SLIT3: variants seen among roughly 807,000 people sequenced by gnomAD.
The protein encoded by SLIT3 is slit homolog 3 protein.
SLIT3 carries 68 observed loss-of-function variants against 184.0 expected under a neutral mutation model. The observed-to-expected ratio is 0.37, with a 90% CI of 0.30 to 0.45. The LOEUF (loss-of-function observed/expected upper bound fraction) is 0.45, where lower values mean the gene tolerates loss of function less well. Among genes scored for constraint, SLIT3 ranks in the 20% least tolerant of loss-of-function variants. SLIT3 has a pLI of 1.00. For missense variants in SLIT3, 1,707 were observed against 2,026.0 expected (o/e 0.84, Z 3.02); for synonymous variants, 831 against 828.6 (o/e 1.00, Z -0.05).
chr5:168,930,161 G>A (rs1456268711), intron 4 of SLIT3, among the ~76,000 whole-genome samples: 1 of 152,268 alleles, frequency 6.6e-6, no homozygotes, highest in Middle Eastern at 3.4e-3. Flanking sequence ...GGGGAGTGAG[G>A]ACTGGGAATT....
At chr5:169,097,541 T>C (rs1007730070) in intron 4 of SLIT3, among the ~76,000 whole-genome samples, 1 of 152,240 alleles carries the variant, frequency 6.6e-6, no homozygotes, top group African/African-American at 2.4e-5. Context: ...TTATCCAATA[T>C]GCTTTCACCT....
At chr5:168,819,799 C>T (rs1189512958) in intron 7 of SLIT3, among the ~76,000 whole-genome samples, 1 of 152,208 alleles carries the variant, frequency 6.6e-6, no homozygotes, top group Admixed American at 6.5e-5. Context: ...TATCTCTCTT[C>T]TTAATCTTGA....
At chr5:169,209,217 G>A (rs1561740223) in intron 3 of SLIT3, among the ~76,000 whole-genome samples, 1 of 152,140 alleles carries the variant, frequency 6.6e-6, no homozygotes, top group Non-Finnish European at 1.5e-5. Context: ...ATCATCACTG[G>A]TCATTAGAGA....
At chr5:168,770,999 C>G (rs1353398294) in intron 14 of SLIT3, among the ~76,000 whole-genome samples, 1 of 152,104 alleles carries the variant, frequency 6.6e-6, no homozygotes, top group Non-Finnish European at 1.5e-5. Flanking sequence ...CTGTGCCACG[C>G]AGGGCCGCCA....
rs966008122 is a variant in SLIT3, at chr5:169,300,231, T to A, written c.197+282A>T. ...TGCTCTTGCCTCCCCTCGCCTCTCC[T>A]CAGCTACTCCTTGGAAGCTGTCAGC... On this transcript the variant is annotated intron_variant, in intron 1 of 35. Transcript: ENST00000519560. This position sits in a 1 kb window ranked among gnomAD's most constrained non-coding sequence, Gnocchi z 4.1. Among the ~76,000 whole-genome samples, 6 of 152,132 alleles carry A rather than the reference T, an allele frequency of 3.9e-5. No homozygotes were observed. Among genetic ancestry groups the A allele is most frequent in the Non-Finnish European group, 8.8e-5 (6 of 68,018 alleles).
At chr5:168,752,905 T>C in intron 18 of SLIT3, 50 bp downstream of exon 18, 3 of 1,582,524 alleles carry the variant, frequency 1.9e-6, no homozygotes, top group Non-Finnish European at 2.6e-6. Flanking sequence ...GAGAGAGCGC[T>C]GCAGAGTGGG....
intron 5 of SLIT3, among the ~76,000 whole-genome samples, chr5:168,860,284 C>A (rs372244203): frequency 1.1e-4 from 16 of 152,242 alleles, no homozygotes; most frequent in African/African-American, 2.6e-4. Context: ...TGTTTAGAGA[C>A]AAGTGACACC....
intron 26 of SLIT3, 60 bp downstream of exon 26, chr5:168,707,916 G>A: frequency 6.2e-7 from 1 of 1,606,234 alleles, no homozygotes; most frequent in Non-Finnish European, 8.5e-7. Context: ...CCCTCTCTAG[G>A]GCCAGGGCTG....
chr5:169,116,490 G>A (rs1561675456), intron 4 of SLIT3, among the ~76,000 whole-genome samples: 2 of 152,214 alleles, frequency 1.3e-5, no homozygotes, highest in Non-Finnish European at 2.9e-5. Flanking sequence ...TGGTGTTCAG[G>A]ATGAATTTGA....
chr5:169,119,045 A>G (rs1294681878), intron 4 of SLIT3, among the ~76,000 whole-genome samples: 1 of 152,228 alleles, frequency 6.6e-6, no homozygotes, highest in Non-Finnish European at 1.5e-5. Flanking sequence ...CGCTTAGTCC[A>G]GAAGCTCATG....
At chr5:168,890,719 G>A (rs2113806991) in intron 4 of SLIT3, among the ~76,000 whole-genome samples, 1 of 152,308 alleles carries the variant, frequency 6.6e-6, no homozygotes, top group South Asian at 2.1e-4. Context: ...TTGGCCATGG[G>A]TTGATACTTA....
At chr5:169,064,283 C>T (rs1171255228) in intron 4 of SLIT3, among the ~76,000 whole-genome samples, 1 of 152,210 alleles carries the variant, frequency 6.6e-6, no homozygotes, top group East Asian at 1.9e-4. Context: ...TTGAAGTATT[C>T]TTGGCTCCGA....
At chr5:169,128,278 A>T (rs961257946) in intron 4 of SLIT3, among the ~76,000 whole-genome samples, 7 of 148,034 alleles carry the variant, frequency 4.7e-5, no homozygotes, top group Non-Finnish European at 3.0e-5. Flanking sequence ...ATATATTTAT[A>T]TATATATATA....
At chr5:168,716,498 A>G (rs1364093099) in intron 23 of SLIT3, among the ~76,000 whole-genome samples, 1 of 152,234 alleles carries the variant, frequency 6.6e-6, no homozygotes, top group Non-Finnish European at 1.5e-5. Context: ...GATTGTTATC[A>G]CTGTCATGAC....
chr5:168,780,900 A>C (rs1040309455), intron 12 of SLIT3, among the ~76,000 whole-genome samples: 9 of 152,222 alleles, frequency 5.9e-5, no homozygotes, highest in African/African-American at 2.2e-4. Context: ...AGCTGATGCC[A>C]TGAATTCTGA....
chr5:168,779,020 G>T (rs1205882840), intron 12 of SLIT3, among the ~76,000 whole-genome samples: 1 of 152,198 alleles, frequency 6.6e-6, no homozygotes, highest in East Asian at 1.9e-4. Context: ...ATCCGACCAG[G>T]TGAACCACAG....
At chr5:168,864,759 G>T (rs1581158274) in intron 5 of SLIT3, among the ~76,000 whole-genome samples, 1 of 152,178 alleles carries the variant, frequency 6.6e-6, no homozygotes, top group East Asian at 1.9e-4. Flanking sequence ...ATATACTGAT[G>T]AAGGCTTTCT....
intron 2 of SLIT3, among the ~76,000 whole-genome samples, chr5:169,248,472 A>C (rs889599687): frequency 6.6e-6 from 1 of 152,146 alleles, no homozygotes; most frequent in Non-Finnish European, 1.5e-5. Context: ...GCTGAGATGC[A>C]AGCCAGGAGC....
chr5:169,219,770 A>G (rs1236703824), intron 3 of SLIT3, among the ~76,000 whole-genome samples: 1 of 152,228 alleles, frequency 6.6e-6, no homozygotes, highest in Non-Finnish European at 1.5e-5. Flanking sequence ...CAAAAGATGA[A>G]ATCGCAGAAG....
Sources: allele counts gnomAD v4.1 joint callset (sites outside exome capture counted in the v4.1 genomes callset), GRCh38; gene constraint gnomAD v4.1.1; non-coding constraint Gnocchi (gnomAD v3.1); transcripts MANE v1.5; gene names NCBI Gene and HGNC (gene_info 2026-07-23, HGNC 2026-07-21).